The following PTPRE variants were observed in gnomAD, a reference collection of about 807,000 sequenced individuals.
PTPRE encodes protein tyrosine phosphatase receptor type E.
PTPRE carries 51 observed loss-of-function variants against 102.0 expected under a neutral mutation model. The ratio of observed to expected loss-of-function variants is 0.50; its 90% CI spans 0.40 to 0.63. The LOEUF (loss-of-function observed/expected upper bound fraction) is 0.63, where lower values mean the gene tolerates loss of function less well. Among genes scored for constraint, PTPRE ranks in the 30% least tolerant of loss-of-function variants. The pLI is 0.00. For missense variants in PTPRE, 752 were observed against 915.1 expected (o/e 0.82, Z 2.30); for synonymous variants, 345 against 348.2 (o/e 0.99, Z 0.10).
chr10:127,933,151 C>T (rs1326539041), intron 1 of PTPRE, among the ~76,000 whole-genome samples: 1 of 152,150 alleles, frequency 6.6e-6, no homozygotes, highest in Non-Finnish European at 1.5e-5. Flanking sequence ...CAAACATAAT[C>T]CCATCTGCAA....
In PTPRE at chr10:128,064,493, G is replaced by A. The variant is rs79215471; in HGVS notation, c.723+1313G>A. On this transcript the variant is annotated intron_variant, in intron 10 of 20. Coordinates refer to ENST00000254667, the MANE Select transcript of PTPRE (RefSeq NM_006504.6). ...CGGCCATGGAGGAGGACACCCACGC[G>A]AGGGAAAAGGAGGCTGACCCTTCAT... Among the ~76,000 whole-genome samples, 1,071 of 152,334 alleles carry A rather than the reference G, an allele frequency of 7.0e-3. 9 individuals are homozygous for A. The highest frequency in any genetic ancestry group is 0.017 in the Middle Eastern group (5 of 294).
intron 2 of PTPRE, among the ~76,000 whole-genome samples, chr10:128,036,911 C>G (rs1326320700): frequency 1.3e-5 from 2 of 152,186 alleles, no homozygotes; most frequent in African/African-American, 2.4e-5. Context: ...GGCTCCTGGA[C>G]CACTCTCCGG....
intron 1 of PTPRE, among the ~76,000 whole-genome samples, chr10:127,973,108 A>G (rs1361283183): frequency 6.6e-6 from 1 of 152,246 alleles, no homozygotes; most frequent in Non-Finnish European, 1.5e-5. Flanking sequence ...TCCAGAATGG[A>G]GCACTGCATA....
intron 1 of PTPRE, among the ~76,000 whole-genome samples, chr10:127,976,336 T>G (rs1851176369): frequency 6.6e-6 from 1 of 152,182 alleles, no homozygotes; most frequent in Non-Finnish European, 1.5e-5. Flanking sequence ...CGAGGCAGTA[T>G]GGAAACCAGC....
chr10:127,985,823 G>A (rs79866563), intron 2 of PTPRE, among the ~76,000 whole-genome samples: 1 of 152,192 alleles, frequency 6.6e-6, no homozygotes, highest in East Asian at 1.9e-4. Context: ...GGGTGCGGTG[G>A]CTCACACCTG....
In PTPRE at chr10:128,028,918, C is replaced by T. The variant is rs1324554328; in HGVS notation, c.-7-11957C>T. Among the ~76,000 whole-genome samples, 3 of 152,198 alleles carry T rather than the reference C, an allele frequency of 2.0e-5. No individual in the cohort carries two copies. The highest frequency in any genetic ancestry group is 1.3e-4 in the Admixed American group (2 of 15,282). On this transcript the variant is annotated intron_variant, in intron 2 of 20. Coordinates refer to ENST00000254667, the MANE Select transcript of PTPRE (RefSeq NM_006504.6). The surrounding 1 kb of genome is among the most constrained non-coding windows in gnomAD (Gnocchi z 4.5). The stretch of plus-strand genomic sequence containing the variant: ...GGCCTCAGCTGTCCTCCTCGAGGAG[C>T]GCTATCCTGCTCCGTCTCTGCTCAG...
intron 2 of PTPRE, among the ~76,000 whole-genome samples, chr10:128,033,347 A>G (rs1325602825): frequency 3.9e-5 from 6 of 152,232 alleles, no homozygotes; most frequent in Admixed American, 3.9e-4. Flanking sequence ...TGCCAGTGTT[A>G]CATCAGTGTC....
chr10:128,010,208 C>G (rs1844867050), intron 2 of PTPRE, among the ~76,000 whole-genome samples: 1 of 152,306 alleles, frequency 6.6e-6, no homozygotes, highest in Middle Eastern at 3.4e-3. Flanking sequence ...CCCCTCTGTT[C>G]TCACACCAGA....
chr10:128,043,820 C>A (rs1344110051), intron 3 of PTPRE, among the ~76,000 whole-genome samples: 1 of 152,172 alleles, frequency 6.6e-6, no homozygotes, highest in African/African-American at 2.4e-5. Context: ...CTTATCTGGG[C>A]TGACATGGAA....
At chr10:128,005,570 T>C (rs1854446114) in intron 2 of PTPRE, among the ~76,000 whole-genome samples, 1 of 152,200 alleles carries the variant, frequency 6.6e-6, no homozygotes, top group Admixed American at 6.5e-5. Context: ...GGGTGAGTGA[T>C]ATGATAAGGC....
At chr10:128,006,777 T>C (rs1854593376) in intron 2 of PTPRE, among the ~76,000 whole-genome samples, 1 of 152,184 alleles carries the variant, frequency 6.6e-6, no homozygotes, top group African/African-American at 2.4e-5. Context: ...CCAGAGATGG[T>C]GTCAAGTCCC....
rs1352309451 is a variant in PTPRE, at chr10:128,045,983, G to A, written c.110-1407G>A. Among the ~76,000 whole-genome samples the A allele has an allele frequency of 2.0e-5, 3 of 152,218 alleles. No homozygotes were observed. In the East Asian group the frequency reaches 5.8e-4, roughly 29 times the overall value. ...AGGTGGGCACTTAGTGGGTGGGCCA[G>A]GTGAACAGTGCCCTCTCTCACGGCT... On this transcript the variant is annotated intron_variant, in intron 3 of 20. Transcript: ENST00000254667.
chr10:128,034,156 C>T (rs1199869378), intron 2 of PTPRE, among the ~76,000 whole-genome samples: 4 of 152,084 alleles, frequency 2.6e-5, no homozygotes, highest in Admixed American at 1.3e-4. Context: ...TAGAAATGTT[C>T]GGGCCTTCAA....
intron 6 of PTPRE, among the ~76,000 whole-genome samples, chr10:128,055,585 C>T (rs1848888284): frequency 6.6e-6 from 1 of 152,100 alleles, no homozygotes; most frequent in African/African-American, 2.4e-5. Context: ...GCCACTGGTC[C>T]ACAGAGCACA....
intron 2 of PTPRE, among the ~76,000 whole-genome samples, chr10:127,989,959 A>G (rs1032812260): frequency 2.0e-5 from 3 of 152,218 alleles, no homozygotes; most frequent in African/African-American, 7.2e-5. Flanking sequence ...TTTATCAGGT[A>G]TCTCTTGCAA....
At chr10:127,996,464 G>A (rs1384138243) in intron 2 of PTPRE, among the ~76,000 whole-genome samples, 1 of 152,220 alleles carries the variant, frequency 6.6e-6, no homozygotes, top group African/African-American at 2.4e-5. Context: ...CCCTGTTAAA[G>A]TTGATTCAAA....
At chr10:127,967,482 T>G (rs1210280092) in intron 1 of PTPRE, among the ~76,000 whole-genome samples, 1 of 152,204 alleles carries the variant, frequency 6.6e-6, no homozygotes, top group Non-Finnish European at 1.5e-5. Flanking sequence ...ACACACACTC[T>G]TGCCTGCTGC....
chr10:128,049,774 G>T (rs1848407296), intron 6 of PTPRE, 108 bp downstream of exon 6: 1 of 1,493,270 alleles, frequency 6.7e-7, no homozygotes, highest in Admixed American at 1.9e-5. Flanking sequence ...CCTTGCATCA[G>T]TTATGACACT....
At chr10:128,031,243 C>T (rs1846730119) in intron 2 of PTPRE, among the ~76,000 whole-genome samples, 1 of 152,254 alleles carries the variant, frequency 6.6e-6, no homozygotes, top group Admixed American at 6.5e-5. Context: ...GTCCAGTCAT[C>T]ATCACTTTTG....
Sources: gnomAD v4.1 joint callset for allele counts (sites outside exome capture counted in the v4.1 genomes callset) on GRCh38, gnomAD v4.1.1 for gene constraint, Gnocchi (gnomAD v3.1) non-coding constraint, MANE v1.5 for transcripts, NCBI Gene and HGNC (gene_info 2026-07-23, HGNC 2026-07-21) for gene names.